The following LZTS1 variants were observed in gnomAD, a reference collection of about 807,000 sequenced individuals.
LZTS1 encodes leucine zipper putative tumor suppressor 1.
In LZTS1, 31 loss-of-function variants were observed where a neutral mutation model predicts 45.8. The observed-to-expected ratio is 0.68, with a 90% CI of 0.51 to 0.91. The LOEUF (loss-of-function observed/expected upper bound fraction) is 0.91. Among genes scored for constraint, LZTS1 ranks in the 40% least tolerant of loss-of-function variants. The pLI is 0.00. For missense variants in LZTS1, 821 were observed against 788.9 expected, an observed-to-expected ratio of 1.04 and a Z score of -0.49; for synonymous variants, 359 against 357.3, an observed-to-expected ratio of 1.00 and a Z score of -0.05.
Position 20,254,870 on chromosome 8 carries a change from G to A in LZTS1, c.312C>T (p.Pro104=), listed in dbSNP as rs184099726. 3.0e-5 allele frequency: 49 copies of A among 1,613,052 alleles called. No homozygotes were observed. The East Asian group carries it at 7.8e-4, about 26-fold the overall frequency. ...AGVDFDPSTP[P]KLMPFSNQLE... ...GCTGATTGGAGAAGGGCATGAGCTT[G>A]GGGGGTGTGGACGGGTCAAAGTCCA... Residue 104 remains proline, a synonymous_variant, in exon 2 of 4, where the codon CCC becomes CCT. Coordinates refer to ENST00000381569, the MANE Select transcript of LZTS1 (RefSeq NM_021020.5).
intron 2 of LZTS1, 66 bp from the exon 3 acceptor site, chr8:20,253,651 A>C: frequency 7.7e-7 from 1 of 1,295,794 alleles, no homozygotes; most frequent in Non-Finnish European, 1.0e-6. Context: ...CTCCCTCCCC[A>C]GGCACGCGTG....
At chr8:20,273,184 T>A (rs1800507946) in intron 1 of LZTS1, among the ~76,000 whole-genome samples, 1 of 152,192 alleles carries the variant, frequency 6.6e-6, no homozygotes, top group East Asian at 1.9e-4. Context: ...TCTGTGTTTT[T>A]TGAAACACTG....
At chr8:20,303,715 G>A in intron 1 of LZTS1, 25 bp downstream of exon 1, 4 of 985,492 alleles carry the variant, frequency 4.1e-6, no homozygotes, top group Non-Finnish European at 4.8e-6. Flanking sequence ...CAGGGGCGAG[G>A]AGATCCCCGG....
At chr8:20,294,868 T>A (rs1011661785) in intron 1 of LZTS1, among the ~76,000 whole-genome samples, 3 of 151,864 alleles carry the variant, frequency 2.0e-5, no homozygotes, top group African/African-American at 7.3e-5. Flanking sequence ...GGGCTGCCTC[T>A]CTGGAAGGTC....
In LZTS1 at chr8:20,250,284, C is replaced by T; in HGVS notation, c.1229G>A (p.Ser410Asn). The T allele has an allele frequency of 6.2e-7, 1 of 1,613,878 alleles. No homozygotes were observed. The highest frequency in any genetic ancestry group is 8.5e-7 in the Non-Finnish European group (1 of 1,179,966). Residue 410 changes from serine to asparagine, a missense_variant, in exon 4 of 4, where the codon AGC (serine) becomes AAC (asparagine). Ser to Asn is a conservative substitution (Grantham distance 46). Coordinates refer to ENST00000381569, the MANE Select transcript of LZTS1 (RefSeq NM_021020.5). The stretch of plus-strand genomic sequence containing the variant: ...CTGTGCCTTGAGACCCAGGATCTCG[C>T]TAGCCTTGGCGTTCACCTCCGTCTG... ...ESQTEVNAKA[S>N]EILGLKAQLK...
Position 20,267,655 on chromosome 8 carries a change from A to G in LZTS1, c.-134-12340T>C, listed in dbSNP as rs1345075702. On this transcript the variant is annotated intron_variant, in intron 1 of 3. Coordinates refer to ENST00000381569, the MANE Select transcript of LZTS1 (RefSeq NM_021020.5). ...CTCAGCCTCCCAAGTAGCTGGGACTACAGGCGCTCACGCCACCATGCCCAG... is the reference window on the plus strand; with the variant it reads ...CTCAGCCTCCCAAGTAGCTGGGACTGCAGGCGCTCACGCCACCATGCCCAG... Among the ~76,000 whole-genome samples, 8 of 152,266 alleles carry G rather than the reference A, an allele frequency of 5.3e-5. No homozygotes were observed. The East Asian group carries it at 1.4e-3, about 26-fold the overall frequency.
intron 1 of LZTS1, among the ~76,000 whole-genome samples, chr8:20,281,248 C>T (rs903091316): frequency 2.0e-5 from 3 of 151,914 alleles, no homozygotes; most frequent in Admixed American, 6.6e-5. Context: ...TTTAGGTCAC[C>T]GGGGTGGATC....
chr8:20,255,311 T>C lies in LZTS1; in HGVS notation c.-130A>G, dbSNP rs1800071553. ...GCCCTCACAGAGCCTGCGAGAGCCG[T>C]AGACCTGGAAGAAGACACAAGACAG... On this transcript the variant is annotated 5_prime_UTR_variant, in exon 2 of 4. Coordinates refer to ENST00000381569, the MANE Select transcript of LZTS1 (RefSeq NM_021020.5). 1.4e-6 allele frequency: 2 copies of C among 1,442,048 alleles called. No homozygotes were observed. The highest frequency in any genetic ancestry group is 2.8e-5 in the Admixed American group (1 of 35,958). The allele number at this position is 1,442,048 out of a possible 1,614,324, so 89.3% of individuals were successfully genotyped here. A position where few individuals can be genotyped will look rare whatever the true frequency, so the allele number is the denominator to read the frequency against.
intron 1 of LZTS1, among the ~76,000 whole-genome samples, chr8:20,291,032 C>T (rs535313234): frequency 4.7e-4 from 72 of 152,360 alleles, no homozygotes; most frequent in African/African-American, 1.7e-3. Context: ...CCACATCTGG[C>T]ATAAGCCAAT....
Position 20,249,927 on chromosome 8 carries a change from C to A in LZTS1, c.1586G>T (p.Arg529Leu). 1 of 1,614,210 alleles carries A rather than the reference C, an allele frequency of 6.2e-7. No individual in the cohort carries two copies. The highest frequency in any genetic ancestry group is 8.5e-7 in the Non-Finnish European group (1 of 1,180,034). ...DQMSSGFQHE[R>L]LVWKEEKEKV... is the part of the protein sequence containing the mutation. Reference sequence around the variant, plus strand: ...CTCCTTCTCCTCCTTCCACACGAGCCGCTCATGCTGGAAGCCCGAGGACAT... The same window carrying A: ...CTCCTTCTCCTCCTTCCACACGAGCAGCTCATGCTGGAAGCCCGAGGACAT... The change falls in exon 4 of 4, where the codon CGG becomes CTG. Residue 529 changes from arginine to leucine, a missense_variant. Arg to Leu is a moderately radical substitution (Grantham distance 102). Coordinates refer to ENST00000381569, the MANE Select transcript of LZTS1 (RefSeq NM_021020.5).
At chr8:20,296,826 G>C (rs115206114) in intron 1 of LZTS1, among the ~76,000 whole-genome samples, 1,690 of 152,260 alleles carry the variant, frequency 0.011, 29 homozygotes, top group African/African-American at 0.038. Flanking sequence ...GATCTCCATG[G>C]GGCAGCTCTT....
chr8:20,294,235 T>C (rs1800945429), intron 1 of LZTS1, among the ~76,000 whole-genome samples: 3 of 152,176 alleles, frequency 2.0e-5, no homozygotes, highest in South Asian at 2.1e-4. Flanking sequence ...AAGAAAAAGT[T>C]TCTAAGTCAA....
intron 1 of LZTS1, among the ~76,000 whole-genome samples, chr8:20,269,696 T>G (rs1800435135): frequency 6.6e-6 from 1 of 152,034 alleles, no homozygotes; most frequent in Admixed American, 6.5e-5. Context: ...CCTAGGCAGG[T>G]TGACACCTGG....
rs1402079263 is a variant in LZTS1, at chr8:20,252,833, G to A, written c.1098C>T (p.Tyr366=). ...QDLLETKLRS[Y]EREKTSFGPA... is the part of the protein sequence containing the mutation. ...GGCCGAAGCTGGTCTTCTCCCTCTC[G>A]TAGGACCTGAGCTTGGTCTCCAGCA... The change falls in exon 3 of 4, where the codon TAC becomes TAT. Residue 366 remains tyrosine, a synonymous_variant. Coordinates refer to ENST00000381569, the MANE Select transcript of LZTS1 (RefSeq NM_021020.5). The A allele has an allele frequency of 6.4e-6, 10 of 1,564,946 alleles. No individual in the cohort carries two copies. The highest frequency in any genetic ancestry group is 4.0e-5 in the Admixed American group (2 of 50,128).
Position 20,248,448 on chromosome 8 carries a change from C to A in LZTS1, c.*1274G>T, listed in dbSNP as rs546593131. ...GACTCCCTGGGGCACTGCCCAAGCT[C>A]CTGAGAAAGGGAGCTGCTCTCTGGA... On this transcript the variant is annotated 3_prime_UTR_variant, in exon 4 of 4. Coordinates refer to ENST00000381569, the MANE Select transcript of LZTS1 (RefSeq NM_021020.5). The A allele has an allele frequency of 1.3e-5, 2 of 152,458 alleles. No individual in the cohort carries two copies. The highest frequency in any genetic ancestry group is 4.1e-4 in the South Asian group (2 of 4,832). The allele number at this position is 152,458 out of a possible 1,614,324, so 9.4% of individuals were successfully genotyped here. A position where few individuals can be genotyped will look rare whatever the true frequency, so the allele number is the denominator to read the frequency against.
chr8:20,269,650 G>A (rs1800434559), intron 1 of LZTS1, among the ~76,000 whole-genome samples: 1 of 152,214 alleles, frequency 6.6e-6, no homozygotes, highest in Non-Finnish European at 1.5e-5. Flanking sequence ...TGGCATGCAT[G>A]GGCAAGGAGA....
At chr8:20,277,540 A>G (rs893506490) in intron 1 of LZTS1, among the ~76,000 whole-genome samples, 1 of 152,124 alleles carries the variant, frequency 6.6e-6, no homozygotes, top group African/African-American at 2.4e-5. Flanking sequence ...GGACTGGATT[A>G]GGACCTCTTT....
At chr8:20,300,762 C>T (rs1801061933) in intron 1 of LZTS1, among the ~76,000 whole-genome samples, 1 of 152,032 alleles carries the variant, frequency 6.6e-6, no homozygotes, top group Non-Finnish European at 1.5e-5. Flanking sequence ...GAGGAAGGTA[C>T]CTGACTCAGA....
intron 1 of LZTS1, among the ~76,000 whole-genome samples, chr8:20,302,276 C>G (rs896113864): frequency 1.3e-5 from 2 of 152,128 alleles, no homozygotes; most frequent in African/African-American, 4.8e-5. Flanking sequence ...GGTGTAACGC[C>G]ACGCCTGATT....
Sources: gnomAD v4.1 joint callset for allele counts (sites outside exome capture counted in the v4.1 genomes callset) on GRCh38, gnomAD v4.1.1 for gene constraint, MANE v1.5 for transcripts, NCBI Gene and HGNC (gene_info 2026-07-23, HGNC 2026-07-21) for gene names.